CDH23: variants seen among roughly 807,000 people sequenced by gnomAD.
CDH23 encodes the protein cadherin-23.
A neutral mutation model predicts 317.1 loss-of-function variants in CDH23; 189 were observed. The ratio of observed to expected loss-of-function variants is 0.60; its 90% confidence interval spans 0.53 to 0.67. The LOEUF is 0.67. Ranked by LOEUF, CDH23 falls within the 30% of genes least tolerant of loss-of-function variation. The pLI is 0.00. For synonymous variants in CDH23, 1,839 were observed against 1,876.8 expected (o/e 0.98, Z 0.52); for missense variants, 4,401 against 4,592.4 (o/e 0.96, Z 1.20).
At chr10:71,741,662 C>A in intron 37 of CDH23, 32 bp from the exon 38 acceptor site, 1 of 1,567,552 alleles carries the variant, frequency 6.4e-7, no homozygotes, top group South Asian at 1.2e-5. Flanking sequence ...TGCCTTGAGT[C>A]CAGAATGACT....
rs577410042 is a variant in CDH23 at position 71,814,813 on chromosome 10, G to T, written c.9739-139G>T. The T allele has an allele frequency of 1.6e-4, 157 of 994,200 alleles. No homozygotes were observed. In the African/African-American group the frequency reaches 2.4e-3, roughly 15 times the overall value. 61.6% of individuals were successfully genotyped at this position (994,200 alleles called of 1,614,324 possible). A position where few individuals can be genotyped will look rare whatever the true frequency, so the allele number is the denominator to read the frequency against. ...CATTCATGATTCCCCTTTGCAGGCA[G>T]TTTGAGAAACAGAGTCTGACAGGCC... On this transcript the variant is annotated intron_variant, in intron 69 of 69. Coordinates refer to ENST00000224721, the MANE Select transcript of CDH23 (RefSeq NM_022124.6).
chr10:71,489,594 G>GTGT (rs1852535696), intron 3 of CDH23, among the ~76,000 whole-genome samples: 4 of 139,884 alleles, frequency 2.9e-5, no homozygotes, highest in African/African-American at 1.1e-4. Flanking sequence ...AGTGCCTCGG[G>GTGT]GTGTGTGTGT....
At chr10:71,503,939 C>A (rs1248835944) in intron 3 of CDH23, among the ~76,000 whole-genome samples, 1 of 152,040 alleles carries the variant, frequency 6.6e-6, no homozygotes, top group Non-Finnish European at 1.5e-5. Context: ...CATGTGGGGC[C>A]AGATGGGGCT....
At chr10:71,753,282 G>C (rs1261044843) in intron 38 of CDH23, among the ~76,000 whole-genome samples, 1 of 152,230 alleles carries the variant, frequency 6.6e-6, no homozygotes, top group Non-Finnish European at 1.5e-5. Flanking sequence ...GCCATCAGGA[G>C]ACCAAAGGCA....
chr10:71,589,526 T>C (rs946561106), intron 9 of CDH23, among the ~76,000 whole-genome samples: 3 of 152,154 alleles, frequency 2.0e-5, no homozygotes, highest in African/African-American at 7.2e-5. Context: ...TCCCCAGACA[T>C]GTCCAGTACA....
intron 43 of CDH23, 121 bp downstream of exon 43, chr10:71,785,221 G>T: frequency 1.3e-6 from 1 of 742,148 alleles, no homozygotes; most frequent in South Asian, 1.8e-5. Flanking sequence ...CCTGCACTGG[G>T]ATGAGGACAC....
Position 71,690,596 on chromosome 10 carries a change from C to CA in CDH23, c.2176+13dup, listed in dbSNP as rs745346181. On this transcript the variant is annotated intron_variant, in intron 20 of 69. Coordinates refer to ENST00000224721, the MANE Select transcript of CDH23 (RefSeq NM_022124.6). ...CAATGCCCGCTCAGGTGAGCCCCCC[C>CA]ACCCCAAGTACCCTGGTCCTCCACA... The CA allele has an allele frequency of 1.4e-5, 21 of 1,553,652 alleles. No homozygotes were observed. In the East Asian group the frequency reaches 2.6e-4, roughly 19 times the overall value.
At chr10:71,674,398 T>C (rs1253057186) in intron 14 of CDH23, among the ~76,000 whole-genome samples, 1 of 152,226 alleles carries the variant, frequency 6.6e-6, no homozygotes, top group Admixed American at 6.5e-5. Context: ...TACAATCTTA[T>C]AGAGATACCT....
chr10:71,755,762 G>A (rs1347656598), intron 38 of CDH23, among the ~76,000 whole-genome samples: 1 of 152,150 alleles, frequency 6.6e-6, no homozygotes, highest in African/African-American at 2.4e-5. Context: ...AGCCCACAAG[G>A]TACAGCTGGA....
intron 9 of CDH23, among the ~76,000 whole-genome samples, chr10:71,580,921 C>T (rs1319530312): frequency 1.3e-5 from 2 of 152,058 alleles, no homozygotes; most frequent in Non-Finnish European, 2.9e-5. Flanking sequence ...TCAGCATGAG[C>T]CTAAAGCAGG....
chr10:71,509,395 T>C (rs1256234315), intron 3 of CDH23, among the ~76,000 whole-genome samples: 1 of 152,222 alleles, frequency 6.6e-6, no homozygotes, highest in Non-Finnish European at 1.5e-5. Context: ...GTCCAGAGGA[T>C]GGAGCTAATG....
intron 6 of CDH23, among the ~76,000 whole-genome samples, chr10:71,547,114 G>A (rs1248039095): frequency 6.6e-6 from 1 of 152,220 alleles, no homozygotes; most frequent in Non-Finnish European, 1.5e-5. Flanking sequence ...GGAGCTTACA[G>A]TCTAGTGGGG....
At position 71,566,911 on chromosome 10, in the gene CDH23, C is replaced by T. The variant is rs1445977089; in HGVS notation, c.599C>T (p.Ala200Val). Reference protein sequence around the residue: ...IRELDYETTQAYQLTVNATDQ... With the variant: ...IRELDYETTQVYQLTVNATDQ... ...GAGCTGGACTACGAGACCACACAGG[C>T]CTACCAGCTCACGGTCAACGCCACA... The change falls in exon 7 of 70, where the codon GCC becomes GTC. Residue 200 changes from alanine to valine, a missense_variant. Physicochemically the swap from Ala to Val is moderately conservative, Grantham distance 64. This residue lies in a region of CDH23 where 3,068 missense variants were observed against 3,203.3 expected (regional missense o/e 0.96). Coordinates refer to ENST00000224721, the MANE Select transcript of CDH23 (RefSeq NM_022124.6). 1 of 1,613,418 alleles carries T rather than the reference C, an allele frequency of 6.2e-7. No individual in the cohort carries two copies. Among genetic ancestry groups the T allele is most frequent in the East Asian group, 2.2e-5 (1 of 44,888 alleles).
In CDH23 at chr10:71,810,561, C is replaced by T. The variant is rs1215563780; in HGVS notation, c.9069C>T (p.Asp3023=). The T allele has an allele frequency of 5.6e-6, 9 of 1,613,734 alleles. No individual in the cohort carries two copies. Among genetic ancestry groups the T allele is most frequent in the East Asian group, 2.2e-5 (1 of 44,892 alleles). ...ACCGCGATACCAACCGCATCCTGGA[C>T]GTGGACCGGTGAGTCGGGGCCTGTG... The part of the protein sequence containing the change: ...VVNRDTNRIL[D]VDRVIQMIDE... The change falls in exon 62 of 70, where the codon GAC becomes GAT. Residue 3023 remains aspartate, a synonymous_variant. Coordinates refer to ENST00000224721, the MANE Select transcript of CDH23 (RefSeq NM_022124.6).
At chr10:71,403,921 C>G (rs71507048) in intron 1 of CDH23, among the ~76,000 whole-genome samples, 1 of 152,090 alleles carries the variant, frequency 6.6e-6, no homozygotes, top group Non-Finnish European at 1.5e-5. Context: ...GAAACCCCGT[C>G]TCTACTAAAA....
chr10:71,475,073 A>G (rs938157323), intron 3 of CDH23, among the ~76,000 whole-genome samples: 39 of 152,192 alleles, frequency 2.6e-4, no homozygotes, highest in African/African-American at 9.2e-4. Context: ...TTGCCCCTCC[A>G]GGCCCTGCAG....
At chr10:71,513,239 G>A (rs1003986193) in intron 6 of CDH23, among the ~76,000 whole-genome samples, 1 of 152,172 alleles carries the variant, frequency 6.6e-6, no homozygotes, top group African/African-American at 2.4e-5. Flanking sequence ...TGGCCAGTGG[G>A]GATGTGGTAT....
At chr10:71,479,507 A>T (rs148996129) in intron 3 of CDH23, among the ~76,000 whole-genome samples, 1 of 152,174 alleles carries the variant, frequency 6.6e-6, no homozygotes. Flanking sequence ...TTGGAGAGAC[A>T]CAACAGGCTC....
chr10:71,455,483 T>G (rs1193654682), intron 3 of CDH23, among the ~76,000 whole-genome samples: 1 of 152,226 alleles, frequency 6.6e-6, no homozygotes, highest in Admixed American at 6.5e-5. Flanking sequence ...GACGGACAGA[T>G]GCACATATAT....
Sources: allele counts gnomAD v4.1 joint callset (sites outside exome capture counted in the v4.1 genomes callset), GRCh38; gene constraint gnomAD v4.1.1; regional missense constraint gnomAD v4.1.1; transcripts MANE v1.5; gene names NCBI Gene and HGNC (gene_info 2026-07-23, HGNC 2026-07-21).